VCL: variants seen among roughly 807,000 people sequenced by gnomAD.
The protein encoded by VCL is vinculin.
Under a neutral mutation model 125.7 loss-of-function variants are expected in VCL, and 47 were observed. That is an observed-to-expected ratio of 0.37 (90% confidence interval 0.30 to 0.48). The LOEUF (loss-of-function observed/expected upper bound fraction) is 0.48, where lower values mean the gene tolerates loss of function less well. Among genes scored for constraint, VCL ranks in the 20% least tolerant of loss-of-function variants. The probability of loss-of-function intolerance (pLI) is 0.99; values close to 1 mark genes in which losing one functional copy is unlikely to be tolerated. For missense variants in VCL, 1,069 were observed against 1,455.5 expected (o/e 0.73, Z 4.32); for synonymous variants, 458 against 514.6 (o/e 0.89, Z 1.49).
chr10:74,063,919 A>G (rs904460939), intron 2 of VCL: 1 of 152,106 alleles, frequency 6.6e-6, no homozygotes, highest in African/African-American at 2.4e-5. Context: ...TTCAGACACC[A>G]ACTTGGTATT....
Position 74,089,202 on chromosome 10 carries a change from A to G in VCL, c.1029A>G (p.Gln343=). Residue 343 remains glutamine, a synonymous_variant, in exon 9 of 22, where the codon CAA becomes CAG. Coordinates refer to ENST00000211998, the MANE Select transcript of VCL (RefSeq NM_014000.3). ...ATGTGTCTGTTTTGAGCAGAGGACA[A>G]GGATCCTCACCGGTGGCCATGCAGA... ...DQVADLRARG[Q]GSSPVAMQKA... 3.1e-6 allele frequency: 5 copies of G among 1,614,050 alleles called. No individual in the cohort carries two copies. Among genetic ancestry groups the G allele is most frequent in the Non-Finnish European group, 4.2e-6 (5 of 1,179,992 alleles).
At chr10:74,096,229 G>C (rs1839967252) in intron 12 of VCL, among the ~76,000 whole-genome samples, 2 of 151,356 alleles carry the variant, frequency 1.3e-5, no homozygotes, top group South Asian at 4.2e-4. Flanking sequence ...GGGCATGGTG[G>C]TACATGCCTG....
At position 74,118,181 on chromosome 10, in the gene VCL, A is replaced by T. The variant is rs763946964; in HGVS notation, c.*12A>T. 2.5e-6 allele frequency: 4 copies of T among 1,613,948 alleles called. No individual in the cohort carries two copies. In the East Asian group the frequency reaches 6.7e-5, roughly 27 times the overall value. On this transcript the variant is annotated 3_prime_UTR_variant, in exon 22 of 22. Transcript: ENST00000211998. ...CCTGGTACCAGTAGGCACCTGGCTG[A>T]GCCTGGCTGGCACAGAAACCTCTAC...
At chr10:74,013,334 A>G (rs1314182645) in intron 1 of VCL, among the ~76,000 whole-genome samples, 1 of 152,140 alleles carries the variant, frequency 6.6e-6, no homozygotes, top group Non-Finnish European at 1.5e-5. Context: ...ATTTAGGCAC[A>G]GAGTCCTGGG....
In VCL at chr10:74,017,046, CTTTTTT is replaced by C. The variant is rs549275362; in HGVS notation, c.168+18685_168+18690del. On this transcript the variant is annotated intron_variant, in intron 1 of 21. Transcript: ENST00000211998. ...TGTAGCATATGTCAGAATTTCCTTC[CTTTTTT>C]TTTTTTTTTTTTTGAGACGGAGTCT... Among the ~76,000 whole-genome samples the C allele has an allele frequency of 6.9e-4, 78 of 113,136 alleles. 1 individual carries two copies. The highest frequency in any genetic ancestry group is 7.3e-4 in the Admixed American group (8 of 10,976). The allele number at this position is 113,136 out of a possible 152,430, so 74.2% of individuals were successfully genotyped here.
chr10:74,013,611 C>T (rs1015836862), intron 1 of VCL, among the ~76,000 whole-genome samples: 4 of 151,836 alleles, frequency 2.6e-5, no homozygotes, highest in African/African-American at 7.3e-5. Flanking sequence ...AATCGTTAAG[C>T]ATTAAACTCC....
At position 74,038,387 on chromosome 10, in the gene VCL, T is replaced by A. The variant is rs534937994; in HGVS notation, c.169-4696T>A. ...CAGATTAAATAGAATATTTCCATCATAAAAGAAAATTATTTGGACAGCACT... is the reference window on the plus strand; with the variant it reads ...CAGATTAAATAGAATATTTCCATCAAAAAAGAAAATTATTTGGACAGCACT... On this transcript the variant is annotated intron_variant, in intron 1 of 21. Transcript: ENST00000211998. 5.9e-5 allele frequency among the ~76,000 whole-genome samples: 9 copies of A among 152,310 alleles called. No individual in the cohort carries two copies. In the South Asian group the frequency reaches 1.2e-3, roughly 21 times the overall value.
At chr10:74,113,559 A>C (rs1840263803) in intron 19 of VCL, among the ~76,000 whole-genome samples, 1 of 149,790 alleles carries the variant, frequency 6.7e-6, no homozygotes, top group South Asian at 2.1e-4. Context: ...TAGCCAGAGC[A>C]GGCTAGATCA....
At position 74,118,332 on chromosome 10, in the gene VCL, TC is replaced by T; in HGVS notation, c.*164del. 1.2e-6 allele frequency: 1 copy of T among 819,290 alleles called. No individual in the cohort carries two copies. The highest frequency in any genetic ancestry group is 2.0e-6 in the Non-Finnish European group (1 of 502,648). The allele number at this position is 819,290 out of a possible 1,614,324, so 50.8% of individuals were successfully genotyped here. On this transcript the variant is annotated 3_prime_UTR_variant, in exon 22 of 22. Transcript: ENST00000211998. ...TCTTCAAATTAGAAGACATTTATAC[TC>T]TTTTTTCATGGACACTTTGAAATGT...
At chr10:74,089,432 T>G in intron 9 of VCL, 83 bp downstream of exon 9, 2 of 1,581,778 alleles carry the variant, frequency 1.3e-6, no homozygotes, top group Non-Finnish European at 1.7e-6. Flanking sequence ...CTTCTCTGTC[T>G]CTTATCATTT....
chr10:74,014,753 G>A (rs1306910612), intron 1 of VCL, among the ~76,000 whole-genome samples: 2 of 152,136 alleles, frequency 1.3e-5, no homozygotes, highest in East Asian at 1.9e-4. Context: ...GAAGTGCAGT[G>A]GTGTGATCTC....
At chr10:74,019,240 TTTTTACTTTA>T (rs1433216808) in intron 1 of VCL, among the ~76,000 whole-genome samples, 1 of 152,200 alleles carries the variant, frequency 6.6e-6, no homozygotes, top group Non-Finnish European at 1.5e-5. Flanking sequence ...ATTATTATTA[TTTTTACTTTA>T]TTTTACTTTA....
intron 19 of VCL, 111 bp from the exon 20 acceptor site, chr10:74,114,073 C>T (rs1039262505): frequency 2.3e-5 from 29 of 1,273,776 alleles, no homozygotes; most frequent in African/African-American, 1.0e-4. Context: ...CTCACCCTTC[C>T]GGAGGGATGC....
chr10:74,112,994 G>A (rs896763361), intron 19 of VCL, among the ~76,000 whole-genome samples: 15 of 152,102 alleles, frequency 9.9e-5, no homozygotes, highest in Admixed American at 6.5e-4. Context: ...CCATACCTGC[G>A]TTCTCTCCGG....
intron 1 of VCL, among the ~76,000 whole-genome samples, chr10:73,998,610 G>T (rs1840162703): frequency 6.6e-6 from 1 of 152,242 alleles, no homozygotes; most frequent in South Asian, 2.1e-4. Context: ...GAAAAAGGCT[G>T]CCTTGCGGGC....
chr10:74,055,931 A>G (rs1841382751), intron 2 of VCL, among the ~76,000 whole-genome samples: 1 of 152,194 alleles, frequency 6.6e-6, no homozygotes, highest in Admixed American at 6.5e-5. Context: ...TCAGGTTTTA[A>G]AGGATTTAAA....
rs397517236 is a variant in VCL at position 74,097,258 on chromosome 10, A to C, written c.1798A>C (p.Ser600Arg). Residue 600 changes from serine (S) to arginine (R), a missense_variant, in exon 13 of 22, where the codon AGC becomes CGC. Transcript: ENST00000211998. The surrounding 1 kb of genome is among the most constrained non-coding windows in gnomAD (Gnocchi z 4.1). ...GACTCAGGAAGTGTCAGATGTTTTCAGCGATACCACAACTCCCATCAAGCT... is the reference window on the plus strand; with the variant it reads ...GACTCAGGAAGTGTCAGATGTTTTCCGCGATACCACAACTCCCATCAAGCT... ...AMTQEVSDVF[S>R]DTTTPIKLLA... 1 of 1,614,154 alleles carries C rather than the reference A, an allele frequency of 6.2e-7. No individual in the cohort carries two copies. Among genetic ancestry groups the C allele is most frequent in the African/African-American group, 1.3e-5 (1 of 75,070 alleles).
chr10:74,100,045 C>G (rs1487290476), intron 13 of VCL, among the ~76,000 whole-genome samples: 3 of 152,200 alleles, frequency 2.0e-5, no homozygotes, highest in Admixed American at 2.0e-4. Context: ...CAGCTCCAGA[C>G]ATGTTCGTGT....
At chr10:74,099,029 T>C (rs1840011403) in intron 13 of VCL, among the ~76,000 whole-genome samples, 1 of 152,226 alleles carries the variant, frequency 6.6e-6, no homozygotes, top group East Asian at 1.9e-4. Flanking sequence ...TCTGTTCATA[T>C]TGCCAGAGCT....
Sources: allele counts gnomAD v4.1 joint callset (sites outside exome capture counted in the v4.1 genomes callset), GRCh38; gene constraint gnomAD v4.1.1; non-coding constraint Gnocchi (gnomAD v3.1); transcripts MANE v1.5; gene names NCBI Gene and HGNC (gene_info 2026-07-23, HGNC 2026-07-21).